TTN: variants seen among roughly 807,000 people sequenced by gnomAD.
TTN encodes the protein titin.
TTN carries 1,525 observed loss-of-function variants against 3,223.0 expected under a neutral mutation model. The ratio of observed to expected loss-of-function variants is 0.47; its 90% CI spans 0.45 to 0.49. The LOEUF (loss-of-function observed/expected upper bound fraction) is 0.49. Among genes scored for constraint, TTN ranks in the 20% least tolerant of loss-of-function variants. TTN has a pLI of 0.00. For synonymous variants in TTN, 14,094 were observed against 15,161.0 expected (o/e 0.93, Z 5.17); for missense variants, 40,786 against 43,424.0 (o/e 0.94, Z 5.40).
intron 155 of TTN, 42 bp downstream of exon 155, chr2:178,671,929 G>C (rs779140416): frequency 6.4e-7 from 1 of 1,564,556 alleles, no homozygotes; most frequent in Admixed American, 2.2e-5. Context: ...GAAAGTTAGA[G>C]CAAGATATAA....
At chr2:178,717,051 C>T in intron 88 of TTN, 44 bp downstream of exon 88, 1 of 1,559,816 alleles carries the variant, frequency 6.4e-7, no homozygotes, top group Non-Finnish European at 8.7e-7. Context: ...TTTTAAGATA[C>T]TGAAAATGTA....
At chr2:178,714,595 C>A (rs1467728280) in intron 90 of TTN, 22 bp from the exon 91 acceptor site, 2 of 1,561,518 alleles carry the variant, frequency 1.3e-6, no homozygotes, top group Admixed American at 3.9e-5. Context: ...GGAGGAAAGC[C>A]TGGGTTTTAA....
In TTN at chr2:178,663,290, T is replaced by C. The variant is rs200815663; in HGVS notation, c.36676A>G (p.Lys12226Glu). ...EKKLPEAIPP[K>E]PESPPPEVPE... ...CCTTCAGGGGGAGGACTTTCCGGTT[T>C]GGGAGGAATAGCTTCAGGCAACTTC... Residue 12226 changes from lysine to glutamate, a missense_variant, in exon 173 of 363, where the codon AAA becomes GAA. Transcript: ENST00000589042. The C allele has an allele frequency of 3.0e-3, 4,748 of 1,564,470 alleles. 419 individuals carry two copies. The highest frequency in any genetic ancestry group is 3.9e-3 in the Non-Finnish European group (4,464 of 1,157,834).
intron 257 of TTN, among the ~76,000 whole-genome samples, 176 bp downstream of exon 257, chr2:178,616,303 G>A (rs975301629): frequency 6.6e-6 from 1 of 151,740 alleles, no homozygotes; most frequent in Non-Finnish European, 1.5e-5. Context: ...TACAATCCTT[G>A]GTTGAGCTAC....
At position 178,731,494 on chromosome 2, in the gene TTN, G is replaced by C. The variant is rs778057891; in HGVS notation, c.17272C>G (p.Pro5758Ala). 1.2e-6 allele frequency: 2 copies of C among 1,613,442 alleles called. No homozygotes were observed. The highest frequency in any genetic ancestry group is 1.7e-6 in the Non-Finnish European group (2 of 1,179,732). Residue 5758 changes from proline to alanine, a missense_variant, in exon 59 of 363, where the codon CCA (proline) becomes GCA (alanine). Pro to Ala is a conservative substitution (Grantham distance 27). Transcript: ENST00000589042. ...AFQATLKGSL[P>A]ITVTWLKDSD... Reference sequence around the variant, plus strand: ...TCTTTTAGCCAAGTCACCGTAATTGGCAAGGAGCCCTTCAGAGTGGCCTGG... The same window carrying C: ...TCTTTTAGCCAAGTCACCGTAATTGCCAAGGAGCCCTTCAGAGTGGCCTGG...
Position 178,535,337 on chromosome 2 carries a change from A to T in TTN, c.101278T>A (p.Phe33760Ile). Residue 33760 changes from phenylalanine (F) to isoleucine (I), a missense_variant, in exon 358 of 363, where the codon TTC (phenylalanine) becomes ATC (isoleucine). Transcript: ENST00000589042. Reference sequence around the variant, plus strand: ...AATTTATTTTCAGCTATTACCCGGAACTGGTAACTTGTTTTTCCAAATAAG... The same window carrying T: ...AATTTATTTTCAGCTATTACCCGGATCTGGTAACTTGTTTTTCCAAATAAG... ...INLFGKTSYQ[F>I]RVIAENKFGL... 1 of 1,613,854 alleles carries T rather than the reference A, an allele frequency of 6.2e-7. No individual in the cohort carries two copies. Among genetic ancestry groups the T allele is most frequent in the South Asian group, 1.1e-5 (1 of 91,068 alleles).
chr2:178,616,454 T>G (rs753961904), intron 257 of TTN, 25 bp downstream of exon 257: 2 of 1,606,168 alleles, frequency 1.2e-6, no homozygotes. Context: ...TTTTTGGCAT[T>G]GATGCAGTGC....
chr2:178,567,262 T>C lies in TTN; in HGVS notation c.78870A>G (p.Pro26290=), dbSNP rs1170304123. 6.2e-7 allele frequency: 1 copy of C among 1,606,460 alleles called. No homozygotes were observed. Among genetic ancestry groups the C allele is most frequent in the East Asian group, 2.2e-5 (1 of 44,798 alleles). ...CTCCAGTAACCTGGACTGGCCCTTC[T>C]GGAGGTCCTGGTCTATCTAATACTT... ...NVKVLDRPGP[P]EGPVQVTGVT... Residue 26290 remains proline (P), a synonymous_variant, in exon 326 of 363, where the codon CCA becomes CCG. Coordinates refer to ENST00000589042, the MANE Select transcript of TTN (RefSeq NM_001267550.2).
At chr2:178,751,800 C>T (rs2154331387) in intron 47 of TTN, 1 of 1,613,054 alleles carries the variant, frequency 6.2e-7, no homozygotes, top group Admixed American at 1.7e-5. Flanking sequence ...CAAGTCATTT[C>T]TGGAGTTGGA....
In TTN at chr2:178,756,631, A is replaced by G. The variant is rs2087080570; in HGVS notation, c.10845T>C (p.Ser3615=). Residue 3615 remains serine (S), a synonymous_variant, in exon 46 of 363, where the codon AGT becomes AGC. Coordinates refer to ENST00000589042, the MANE Select transcript of TTN (RefSeq NM_001267550.2). ...CTGTGTGGATGGAACTTTGAGATAC[A>G]CTTTCAAAAACCTGCACTTCATATT... The part of the protein sequence containing the change: ...SYEYEVQVFE[S]VSQSSIHTAA... The G allele has an allele frequency of 1.2e-6, 2 of 1,613,778 alleles. No individual in the cohort carries two copies. Among genetic ancestry groups the G allele is most frequent in the Non-Finnish European group, 1.7e-6 (2 of 1,179,782 alleles).
intron 47 of TTN, chr2:178,751,278 C>T: frequency 6.2e-7 from 1 of 1,610,196 alleles, no homozygotes; most frequent in Non-Finnish European, 8.5e-7. Context: ...GTTTTTCTAG[C>T]CTCCCTTAAA....
chr2:178,608,167 G>C lies in TTN; in HGVS notation c.52705+11C>G. 1 of 1,600,814 alleles carries C rather than the reference G, an allele frequency of 6.2e-7. No individual in the cohort carries two copies. Among genetic ancestry groups the C allele is most frequent in the South Asian group, 1.1e-5 (1 of 89,290 alleles). On this transcript the variant is annotated intron_variant, in intron 275 of 362. Transcript: ENST00000589042. ...TGTTCTACTCCACCTTCTTCTTAAG[G>C]AACTACTTACAGATTGGATCATGTG...
rs753869820 is a variant in TTN at position 178,570,565 on chromosome 2, A to T, written c.75567T>A (p.Val25189=). The change falls in exon 326 of 363, where the codon GTT becomes GTA. Residue 25189 remains valine (V), a synonymous_variant. Transcript: ENST00000589042. Reference sequence around the variant, plus strand: ...TCACAGTAACTGATCTTTCTCCTGCAACATTTTTGGCCTTCAGTATGTAAT... The same window carrying T: ...TCACAGTAACTGATCTTTCTCCTGCTACATTTTTGGCCTTCAGTATGTAAT... ...SGNYILKAKN[V]AGERSVTVNV... 1.2e-6 allele frequency: 2 copies of T among 1,613,380 alleles called. No homozygotes were observed. Among genetic ancestry groups the T allele is most frequent in the South Asian group, 1.1e-5 (1 of 91,072 alleles).
At position 178,533,623 on chromosome 2, in the gene TTN, T is replaced by A. The variant is rs765213170; in HGVS notation, c.102992A>T (p.Tyr34331Phe). The A allele has an allele frequency of 6.2e-7, 1 of 1,613,898 alleles. No individual in the cohort carries two copies. Residue 34331 changes from tyrosine to phenylalanine, a missense_variant, in exon 358 of 363, where the codon TAT (tyrosine) becomes TTT (phenylalanine). By Grantham distance (22) the Tyr-to-Phe change is conservative. Coordinates refer to ENST00000589042, the MANE Select transcript of TTN (RefSeq NM_001267550.2). ...ATATTTGTTCCTTGCCACAACAGTA[T>A]ATTCAGCGTCATCATCTGTAGTGAC... The part of the protein sequence containing the change: ...NSVTTDDDAE[Y>F]TVVARNKYGE...
intron 278 of TTN, among the ~76,000 whole-genome samples, chr2:178,606,405 A>ATAAG (rs1353595053): frequency 1.3e-5 from 2 of 151,890 alleles, no homozygotes. Context: ...TGGTGAAGGA[A>ATAAG]TAAGTTCTTC....
At chr2:178,672,368 G>A in intron 154 of TTN, 39 bp downstream of exon 154, 2 of 1,597,626 alleles carry the variant, frequency 1.3e-6, no homozygotes, top group Non-Finnish European at 1.7e-6. Context: ...AGGATTGCAT[G>A]CAACAATACA....
chr2:178,551,358 ATAAG>A (rs1699359329), intron 335 of TTN, 98 bp from the exon 336 acceptor site: 3 of 947,384 alleles, frequency 3.2e-6, no homozygotes, highest in Non-Finnish European at 4.2e-6. Context: ...ATTTTAATAA[ATAAG>A]TAAAATTTTT....
chr2:178,752,516 A>G (rs901133038), intron 47 of TTN, among the ~76,000 whole-genome samples: 1 of 152,094 alleles, frequency 6.6e-6, no homozygotes, highest in Non-Finnish European at 1.5e-5. Flanking sequence ...ATAAAATGAG[A>G]AGGCGTTTAT....
chr2:178,644,693 T>A, intron 217 of TTN, 77 bp from the exon 218 acceptor site: 1 of 1,154,190 alleles, frequency 8.7e-7, no homozygotes, highest in Admixed American at 3.2e-5. Flanking sequence ...ACTCCAAGAA[T>A]CAAAACCAAG....
Sources: allele counts gnomAD v4.1 joint callset (sites outside exome capture counted in the v4.1 genomes callset), GRCh38; gene constraint gnomAD v4.1.1; transcripts MANE v1.5; gene names NCBI Gene and HGNC (gene_info 2026-07-23, HGNC 2026-07-21).